The following JADE1 variants were observed in gnomAD, a reference collection of about 807,000 sequenced individuals.
JADE1 encodes the protein protein Jade-1.
In JADE1, 14 loss-of-function variants were observed where a neutral mutation model predicts 81.8. That is an observed-to-expected ratio of 0.17 (90% CI 0.11 to 0.27). The LOEUF (loss-of-function observed/expected upper bound fraction) is 0.27, where lower values mean the gene tolerates loss of function less well. Among genes scored for constraint, JADE1 ranks in the 10% least tolerant of loss-of-function variants. JADE1 has a pLI of 1.00. For missense variants in JADE1, 690 were observed against 1,047.9 expected (o/e 0.66, Z 4.71); for synonymous variants, 353 against 391.9 (o/e 0.90, Z 1.17).
intron 2 of JADE1, among the ~76,000 whole-genome samples, chr4:128,841,739 A>G (rs1337352620): frequency 6.6e-6 from 1 of 152,192 alleles, no homozygotes; most frequent in Admixed American, 6.5e-5. Flanking sequence ...GACTGTGGAC[A>G]TGGGTGAGCA....
chr4:128,853,791 T>C (rs1730566911), intron 6 of JADE1, among the ~76,000 whole-genome samples: 1 of 152,192 alleles, frequency 6.6e-6, no homozygotes, highest in Non-Finnish European at 1.5e-5. Flanking sequence ...GATTACCCTT[T>C]GCTTCATAAT....
At chr4:128,827,506 A>C (rs1055151706) in intron 1 of JADE1, among the ~76,000 whole-genome samples, 2 of 152,186 alleles carry the variant, frequency 1.3e-5, no homozygotes, top group African/African-American at 4.8e-5. Context: ...GCCTGGCCCA[A>C]CCAATGCAAG....
intron 2 of JADE1, among the ~76,000 whole-genome samples, chr4:128,842,444 T>C (rs11098987): frequency 0.55 from 83,373 of 151,762 alleles, 23,871 homozygotes; most frequent in South Asian, 0.66. Context: ...GGATTACAGG[T>C]GCCTGCCACC....
At position 128,819,866 on chromosome 4, in the gene JADE1, G is replaced by A. The variant is rs148040354; in HGVS notation, c.-27+9989G>A. Among the ~76,000 whole-genome samples the A allele has an allele frequency of 1.5e-3, 234 of 152,248 alleles. 3 individuals are homozygous for A. Among genetic ancestry groups the A allele is most frequent in the East Asian group, 0.014 (71 of 5,168 alleles). On this transcript the variant is annotated intron_variant, in intron 1 of 10. Coordinates refer to ENST00000226319, the MANE Select transcript of JADE1 (RefSeq NM_199320.4). Reference sequence around the variant, plus strand: ...CAGGAGGAAGAAGCCCATAGTCCAGGAATCTGGGAGGAGGTGGCTGGCACA... The same window carrying A: ...CAGGAGGAAGAAGCCCATAGTCCAGAAATCTGGGAGGAGGTGGCTGGCACA...
rs2125894211 is a variant in JADE1 at position 128,863,755 on chromosome 4, A to G, written c.1503+1530A>G. ...GTTAGAGATGAGAAAAGGATTGAGA[A>G]GGATAAACTGGAATCCTGGTAAGAA... On this transcript the variant is annotated intron_variant, in intron 9 of 10. Coordinates refer to ENST00000226319, the MANE Select transcript of JADE1 (RefSeq NM_199320.4). The G allele has an allele frequency of 5.1e-6, 5 of 985,450 alleles. No individual in the cohort carries two copies. The South Asian group carries it at 2.3e-4, about 46-fold the overall frequency. 61.0% of individuals were successfully genotyped at this position (985,450 alleles called of 1,614,324 possible). A position where few individuals can be genotyped will look rare whatever the true frequency, so the allele number is the denominator to read the frequency against.
chr4:128,873,667 A>G lies in JADE1; in HGVS notation c.*1405A>G, dbSNP rs1732371581. 6.6e-6 allele frequency: 1 copy of G among 152,346 alleles called. No homozygotes were observed. The highest frequency in any genetic ancestry group is 6.5e-5 in the Admixed American group (1 of 15,292). The allele number at this position is 152,346 out of a possible 1,614,324, so 9.4% of individuals were successfully genotyped here. A position where few individuals can be genotyped will look rare whatever the true frequency, so the allele number is the denominator to read the frequency against. ...TTAAGGAAGGAACGTTTAAATAGCA[A>G]TGAGATACAGAATTATGGGCCTTTG... On this transcript the variant is annotated 3_prime_UTR_variant, in exon 11 of 11. Coordinates refer to ENST00000226319, the MANE Select transcript of JADE1 (RefSeq NM_199320.4).
chr4:128,857,321 T>C lies in JADE1; in HGVS notation c.865-17T>C. On this transcript the variant is annotated splice_polypyrimidine_tract_variant and intron_variant, in intron 7 of 10. Coordinates refer to ENST00000226319, the MANE Select transcript of JADE1 (RefSeq NM_199320.4). ...GACGACCTGAGCCACCCTGTCTTGC[T>C]GTTTTCCGACCTTTAGGTGAGCATT... 2 of 1,604,112 alleles carry C rather than the reference T, an allele frequency of 1.2e-6. No homozygotes were observed. The highest frequency in any genetic ancestry group is 1.7e-6 in the Non-Finnish European group (2 of 1,171,042).
rs1258613165 is a variant in JADE1 at position 128,871,236 on chromosome 4, GTGT to G, written c.1622-115_1622-113del. ...AATTTGTACAAACTTGGTGGTGTAA[GTGT>G]TGTGTTGTTGGGTGGGGAGTTCACA... On this transcript the variant is annotated intron_variant, in intron 10 of 10. Coordinates refer to ENST00000226319, the MANE Select transcript of JADE1 (RefSeq NM_199320.4). The surrounding 1 kb of genome is among the most constrained non-coding windows in gnomAD (Gnocchi z 4.1). 1.4e-5 allele frequency: 13 copies of G among 951,238 alleles called. No homozygotes were observed. Among genetic ancestry groups the G allele is most frequent in the African/African-American group, 1.3e-4 (8 of 60,736 alleles). The allele number at this position is 951,238 out of a possible 1,614,324, so 58.9% of individuals were successfully genotyped here. A position where few individuals can be genotyped will look rare whatever the true frequency, so the allele number is the denominator to read the frequency against.
rs1446956556 is a variant in JADE1, at chr4:128,809,728, G to A, written c.-176G>A. On this transcript the variant is annotated 5_prime_UTR_variant, in exon 1 of 11. Transcript: ENST00000226319. ...CATAACAAGCCAAACGCCAGACCGA[G>A]AGTGCCTCCGTGCGCGAGTGCCCGG... 1 of 152,294 alleles carries A rather than the reference G, an allele frequency of 6.6e-6. No homozygotes were observed. Among genetic ancestry groups the A allele is most frequent in the East Asian group, 1.9e-4 (1 of 5,194 alleles). 9.4% of individuals were successfully genotyped at this position (152,294 alleles called of 1,614,324 possible).
rs543416896 is a variant in JADE1, at chr4:128,838,141, CT to C, written c.53-4811del. On this transcript the variant is annotated intron_variant, in intron 2 of 10. Transcript: ENST00000226319. ...ACGTTGTGCCCGGGCAGGGTCCATG[CT>C]CATGGTGCTACAAACTCTGTGCCTT... 5.0e-3 allele frequency among the ~76,000 whole-genome samples: 766 copies of C among 152,262 alleles called. 7 individuals are homozygous for C. Among genetic ancestry groups the C allele is most frequent in the Non-Finnish European group, 8.1e-3 (554 of 68,032 alleles).
At chr4:128,842,011 C>T (rs1255530123) in intron 2 of JADE1, among the ~76,000 whole-genome samples, 1 of 152,106 alleles carries the variant, frequency 6.6e-6, no homozygotes, top group Non-Finnish European at 1.5e-5. Flanking sequence ...TAGGAGTAGA[C>T]CCCCCTTTGG....
intron 1 of JADE1, among the ~76,000 whole-genome samples, chr4:128,826,352 C>A (rs540561123): frequency 7.0e-6 from 1 of 142,590 alleles, no homozygotes; most frequent in East Asian, 2.1e-4. Flanking sequence ...CATGGTCCCC[C>A]TTCTCTGTTA....
chr4:128,867,718 G>A (rs757558515), intron 9 of JADE1, 138 bp from the exon 10 acceptor site: 4 of 518,028 alleles, frequency 7.7e-6, no homozygotes, highest in Non-Finnish European at 1.4e-5. Context: ...TGGATAAAAT[G>A]TTTAAAGTAC....
rs1729565701 is a variant in JADE1, at chr4:128,842,907, C to A, written c.53-46C>A. Reference sequence around the variant, plus strand: ...GAAAACCCCTGAGAACACTCAGTGACCCCTGCAATTTCTAATGGTTCTTAT... The same window carrying A: ...GAAAACCCCTGAGAACACTCAGTGAACCCTGCAATTTCTAATGGTTCTTAT... On this transcript the variant is annotated intron_variant, in intron 2 of 10. Coordinates refer to ENST00000226319, the MANE Select transcript of JADE1 (RefSeq NM_199320.4). The A allele has an allele frequency of 2.6e-6, 4 of 1,540,986 alleles. No homozygotes were observed. The East Asian group carries it at 6.8e-5, about 26-fold the overall frequency.
intron 1 of JADE1, among the ~76,000 whole-genome samples, chr4:128,824,217 G>A (rs988534625): frequency 6.6e-6 from 1 of 152,062 alleles, no homozygotes; most frequent in Non-Finnish European, 1.5e-5. Flanking sequence ...AGGAGATCGA[G>A]ACCATCCTGG....
chr4:128,866,586 G>A (rs1731796490), intron 9 of JADE1, among the ~76,000 whole-genome samples: 1 of 152,234 alleles, frequency 6.6e-6, no homozygotes, highest in South Asian at 2.1e-4. Context: ...GCTTGTTGCT[G>A]TCCTCACTGC....
intron 2 of JADE1, among the ~76,000 whole-genome samples, chr4:128,832,494 C>T (rs1332193543): frequency 6.6e-6 from 1 of 152,176 alleles, no homozygotes; most frequent in Non-Finnish European, 1.5e-5. Context: ...AGCTCTAGCC[C>T]GTTAGCTTAT....
At chr4:128,827,861 T>G in intron 1 of JADE1, 1 of 985,108 alleles carries the variant, frequency 1.0e-6, no homozygotes. Flanking sequence ...AGAATGGATG[T>G]GTATGAAGAT....
At chr4:128,864,426 C>G in intron 9 of JADE1, 1 of 985,020 alleles carries the variant, frequency 1.0e-6, no homozygotes, top group Non-Finnish European at 1.2e-6. Context: ...GATTACGCCA[C>G]TGTACCCAGC....
Sources: allele counts gnomAD v4.1 joint callset (sites outside exome capture counted in the v4.1 genomes callset), GRCh38; gene constraint gnomAD v4.1.1; non-coding constraint Gnocchi (gnomAD v3.1); transcripts MANE v1.5; gene names NCBI Gene and HGNC (gene_info 2026-07-23, HGNC 2026-07-21).